IMMP2L: variants seen among roughly 807,000 people sequenced by gnomAD.
IMMP2L encodes mitochondrial inner membrane protease subunit 2.
A neutral mutation model predicts 19.3 loss-of-function variants in IMMP2L; 18 were observed. The observed-to-expected ratio is 0.93, with a 90% CI of 0.64 to 1.38. The LOEUF (loss-of-function observed/expected upper bound fraction) is 1.38, where lower values mean the gene tolerates loss of function less well. IMMP2L is among the 40% of genes most tolerant of loss of function. The pLI is 0.00. For missense variants in IMMP2L, 233 were observed against 218.2 expected, an observed-to-expected ratio of 1.07 and a Z score of -0.43; for synonymous variants, 76 against 73.0, an observed-to-expected ratio of 1.04 and a Z score of -0.21.
At position 111,060,537 on chromosome 7, in the gene IMMP2L, G is replaced by C. The variant is rs75131919; in HGVS notation, c.240-96972C>G. ...CGGGGCTCAGAACCAGGCATGTCCA[G>C]GAGTAAAGCTGGTTGAGTTCTGGCT... On this transcript the variant is annotated intron_variant, in intron 3 of 5. Transcript: ENST00000405709. Among the ~76,000 whole-genome samples the C allele has an allele frequency of 8.7e-3, 1,323 of 152,278 alleles. 21 individuals are homozygous for C. Among genetic ancestry groups the C allele is most frequent in the African/African-American group, 0.029 (1,200 of 41,550 alleles).
At chr7:111,148,750 A>ATGTGTG (rs144054396) in intron 3 of IMMP2L, among the ~76,000 whole-genome samples, 1 of 149,494 alleles carries the variant, frequency 6.7e-6, no homozygotes, top group Non-Finnish European at 1.5e-5. Context: ...ACATACGTGT[A>ATGTGTG]TGTGTGTGTG....
At chr7:111,193,498 G>GATGGA (rs1809129168) in intron 3 of IMMP2L, among the ~76,000 whole-genome samples, 1 of 152,078 alleles carries the variant, frequency 6.6e-6, no homozygotes, top group African/African-American at 2.4e-5. Context: ...CAAACATTGA[G>GATGGA]CATCCATCTC....
intron 5 of IMMP2L, among the ~76,000 whole-genome samples, chr7:110,868,290 T>C (rs996466150): frequency 6.6e-6 from 1 of 152,032 alleles, no homozygotes; most frequent in Non-Finnish European, 1.5e-5. Context: ...CCCAAGCCCA[T>C]TTTTCTGTTT....
chr7:111,221,127 G>C (rs1586896234), intron 3 of IMMP2L, among the ~76,000 whole-genome samples: 1 of 152,044 alleles, frequency 6.6e-6, no homozygotes, highest in Middle Eastern at 3.4e-3. Context: ...CACAAACAAG[G>C]AGTAAAGGAA....
At chr7:111,216,612 G>A (rs573872260) in intron 3 of IMMP2L, among the ~76,000 whole-genome samples, 34 of 152,102 alleles carry the variant, frequency 2.2e-4, no homozygotes, top group Admixed American at 1.6e-3. Flanking sequence ...TCACCACACT[G>A]TGCAATAGAA....
At chr7:110,970,196 C>A (rs1819998132) in intron 3 of IMMP2L, among the ~76,000 whole-genome samples, 1 of 151,994 alleles carries the variant, frequency 6.6e-6, no homozygotes. Flanking sequence ...TATTTTTGAT[C>A]CTGAAAAACA....
intron 5 of IMMP2L, among the ~76,000 whole-genome samples, chr7:110,869,576 G>T (rs1299538769): frequency 1.3e-5 from 2 of 152,050 alleles, no homozygotes; most frequent in African/African-American, 4.8e-5. Context: ...CTTGAGGCAT[G>T]GCCTGGCCTT....
At chr7:110,841,335 A>C (rs1805060822) in intron 5 of IMMP2L, among the ~76,000 whole-genome samples, 1 of 152,040 alleles carries the variant, frequency 6.6e-6, no homozygotes, top group African/African-American at 2.4e-5. Flanking sequence ...TAAATGTTTT[A>C]ATATGATGAG....
At chr7:111,548,945 T>C (rs1013739307) in intron 1 of IMMP2L, among the ~76,000 whole-genome samples, 1 of 152,138 alleles carries the variant, frequency 6.6e-6, no homozygotes, top group African/African-American at 2.4e-5. Context: ...ACATAATTTA[T>C]GCTTTTGGAA....
intron 3 of IMMP2L, among the ~76,000 whole-genome samples, chr7:111,056,257 T>C (rs1793499356): frequency 6.6e-6 from 1 of 152,202 alleles, no homozygotes. Flanking sequence ...CATAAAACAC[T>C]ACACTAATGA....
At chr7:111,314,378 T>C (rs943992347) in intron 3 of IMMP2L, among the ~76,000 whole-genome samples, 5 of 152,146 alleles carry the variant, frequency 3.3e-5, no homozygotes, top group African/African-American at 9.6e-5. Context: ...ATCAGGAATA[T>C]GCCGAAGAAA....
At chr7:110,717,834 G>A (rs116772002) in intron 5 of IMMP2L, among the ~76,000 whole-genome samples, 1 of 152,174 alleles carries the variant, frequency 6.6e-6, no homozygotes, top group Non-Finnish European at 1.5e-5. Context: ...GTTGAAAACC[G>A]CTTTCACCTT....
intron 4 of IMMP2L, among the ~76,000 whole-genome samples, chr7:110,899,001 C>G (rs1811599276): frequency 6.6e-6 from 1 of 151,954 alleles, no homozygotes; most frequent in South Asian, 2.1e-4. Context: ...TATGAACTGA[C>G]TGATGTGCTT....
chr7:111,193,009 C>T (rs1809064605), intron 3 of IMMP2L, among the ~76,000 whole-genome samples: 1 of 151,988 alleles, frequency 6.6e-6, no homozygotes, highest in Admixed American at 6.6e-5. Flanking sequence ...TGGATGATCC[C>T]AGCAGAAGCC....
intron 5 of IMMP2L, among the ~76,000 whole-genome samples, chr7:110,714,875 G>A (rs902812407): frequency 7.2e-5 from 11 of 152,088 alleles, no homozygotes; most frequent in East Asian, 3.9e-4. Flanking sequence ...GATTACAGGC[G>A]TGAACCACTG....
chr7:111,105,605 A>G (rs912251025), intron 3 of IMMP2L, among the ~76,000 whole-genome samples: 1 of 151,886 alleles, frequency 6.6e-6, no homozygotes, highest in African/African-American at 2.4e-5. Flanking sequence ...GTACTTTCTA[A>G]GAAACAAATA....
chr7:111,290,221 G>T (rs1820937144), intron 3 of IMMP2L, among the ~76,000 whole-genome samples: 2 of 152,212 alleles, frequency 1.3e-5, no homozygotes, highest in South Asian at 2.1e-4. Flanking sequence ...CCACCATTAG[G>T]TATCATGTGC....
At chr7:110,845,826 A>G (rs1805600678) in intron 5 of IMMP2L, among the ~76,000 whole-genome samples, 1 of 152,114 alleles carries the variant, frequency 6.6e-6, no homozygotes, top group Non-Finnish European at 1.5e-5. Flanking sequence ...ATGAGAGTGG[A>G]GCCCTCATGA....
chr7:110,738,712 C>T (rs907810261), intron 5 of IMMP2L, among the ~76,000 whole-genome samples: 2 of 152,122 alleles, frequency 1.3e-5, no homozygotes, highest in African/African-American at 4.8e-5. Context: ...ATACAAGAAG[C>T]TCAAAGAACA....
Sources: gnomAD v4.1 joint callset for allele counts (sites outside exome capture counted in the v4.1 genomes callset) on GRCh38, gnomAD v4.1.1 for gene constraint, MANE v1.5 for transcripts, NCBI Gene and HGNC (gene_info 2026-07-23, HGNC 2026-07-21) for gene names.